BTG2: variants seen among roughly 807,000 people sequenced by gnomAD.
The protein encoded by BTG2 is protein BTG2.
A neutral mutation model predicts 13.1 loss-of-function variants in BTG2; 9 were observed. The observed-to-expected ratio is 0.69, with a 90% CI of 0.41 to 1.20. The LOEUF is 1.20. Among genes scored for constraint, BTG2 ranks in the 50% most tolerant of loss-of-function variants. The pLI is 0.00. For synonymous variants in BTG2, 92 were observed against 88.6 expected, an observed-to-expected ratio of 1.04 and a Z score of -0.21; for missense variants, 200 against 209.5, an observed-to-expected ratio of 0.95 and a Z score of 0.28.
chr1:203,309,380 A>G lies in BTG2; in HGVS notation c.*1942A>G, dbSNP rs1303374688. 5 of 152,542 alleles carry G rather than the reference A, an allele frequency of 3.3e-5. No homozygotes were observed. The highest frequency in any genetic ancestry group is 3.3e-4 in the Admixed American group (5 of 15,280). 9.4% of individuals were successfully genotyped at this position (152,542 alleles called of 1,614,324 possible). ...TAATCTTGTCTCTCTTCTCTTCTTT[A>G]TGATGTTCACTTTAAAAACAACAAA... On this transcript the variant is annotated 3_prime_UTR_variant, in exon 2 of 2. Transcript: ENST00000290551.
At position 203,307,870 on chromosome 1, in the gene BTG2, C is replaced by T. The variant is rs12063729; in HGVS notation, c.*432C>T. ...CCAAGTTCAGAGCTCTCTGTCTCCC[C>T]CAGCCAGACACCTGCATCCCTGGCT... On this transcript the variant is annotated 3_prime_UTR_variant, in exon 2 of 2. Coordinates refer to ENST00000290551, the MANE Select transcript of BTG2 (RefSeq NM_006763.3). 1 of 154,442 alleles carries T rather than the reference C, an allele frequency of 6.5e-6. No homozygotes were observed. Among genetic ancestry groups the T allele is most frequent in the Non-Finnish European group, 1.4e-5 (1 of 69,410 alleles). 9.6% of individuals were successfully genotyped at this position (154,442 alleles called of 1,614,324 possible).
intron 1 of BTG2, 128 bp downstream of exon 1, chr1:203,305,876 A>AC (rs1658247820): frequency 7.7e-7 from 1 of 1,290,428 alleles, no homozygotes; most frequent in Non-Finnish European, 1.0e-6. Context: ...CCCTCCTCCG[A>AC]CCCCCGGGGC....
chr1:203,306,418 C>T (rs1207977454), intron 1 of BTG2, among the ~76,000 whole-genome samples: 2 of 152,068 alleles, frequency 1.3e-5, no homozygotes, highest in Admixed American at 6.5e-5. Flanking sequence ...GACCTCTCTC[C>T]CAGCTGTTTC....
At chr1:203,306,033 C>T (rs572836640) in intron 1 of BTG2, among the ~76,000 whole-genome samples, 1 of 152,316 alleles carries the variant, frequency 6.6e-6, no homozygotes, top group Admixed American at 6.5e-5. Context: ...CCAGCTTATG[C>T]CCCTGTCTCA....
chr1:203,307,032 C>A, intron 1 of BTG2, 72 bp from the exon 2 acceptor site: 1 of 1,382,744 alleles, frequency 7.2e-7, no homozygotes, highest in Non-Finnish European at 1.0e-6. Flanking sequence ...TGACCCTCCA[C>A]CCCGCCCTAT....
chr1:203,306,826 T>C (rs1478111547), intron 1 of BTG2, among the ~76,000 whole-genome samples: 1 of 124,506 alleles, frequency 8.0e-6, no homozygotes, highest in East Asian at 2.1e-4. Context: ...ACACACTCTC[T>C]CTCTCACACA....
At position 203,305,656 on chromosome 1, in the gene BTG2, T is replaced by C. The variant is rs770829293; in HGVS notation, c.50T>C (p.Val17Ala). ...ATGCTCCCGGAGATCGCCGCCGCCG[T>C]GGGCTTCCTCTCCAGCCTCCTGAGG... ...TDMLPEIAAA[V>A]GFLSSLLRTR... Residue 17 changes from valine to alanine, a missense_variant, in exon 1 of 2, where the codon GTG (valine) becomes GCG (alanine). By Grantham distance (64) the Val-to-Ala change is moderately conservative. Transcript: ENST00000290551. 6.3e-6 allele frequency: 10 copies of C among 1,581,896 alleles called. No homozygotes were observed. In the South Asian group the frequency reaches 1.2e-4, roughly 18 times the overall value.
In BTG2 at chr1:203,308,595, C is replaced by G. The variant is rs1658325749; in HGVS notation, c.*1157C>G. On this transcript the variant is annotated 3_prime_UTR_variant, in exon 2 of 2. Coordinates refer to ENST00000290551, the MANE Select transcript of BTG2 (RefSeq NM_006763.3). Reference sequence around the variant, plus strand: ...GGCTTAGGGAACCATCTCTCCTGCTCTCCTTGGGATGATGGCTGGCTAGTC... The same window carrying G: ...GGCTTAGGGAACCATCTCTCCTGCTGTCCTTGGGATGATGGCTGGCTAGTC... 1.3e-5 allele frequency: 2 copies of G among 152,656 alleles called. No individual in the cohort carries two copies. The highest frequency in any genetic ancestry group is 4.8e-5 in the African/African-American group (2 of 41,448). 9.5% of individuals were successfully genotyped at this position (152,656 alleles called of 1,614,324 possible).
chr1:203,305,722 G>T lies in BTG2; in HGVS notation c.116G>T (p.Ser39Ile). 1 of 1,551,098 alleles carries T rather than the reference G, an allele frequency of 6.4e-7. No individual in the cohort carries two copies. The highest frequency in any genetic ancestry group is 8.7e-7 in the Non-Finnish European group (1 of 1,147,022). The change falls in exon 1 of 2, where the codon AGC becomes ATC. Residue 39 changes from serine to isoleucine, a missense_variant. Ser to Ile is a moderately radical substitution (Grantham distance 142). Coordinates refer to ENST00000290551, the MANE Select transcript of BTG2 (RefSeq NM_006763.3). ...CVSEQRLKVF[S>I]GALQEALTEH... ...AGCGAGCAGAGGCTTAAGGTCTTCA[G>T]CGGGGCGCTCCAGGAGGCACTCACA...
rs1032258304 is a variant in BTG2 at position 203,307,768 on chromosome 1, A to C, written c.*330A>C. The stretch of plus-strand genomic sequence containing the variant: ...GGAGACGTTTGGCTAGCACCCCAGG[A>C]AGATGTGAGAGGGAGCAAGCAAGGT... On this transcript the variant is annotated 3_prime_UTR_variant, in exon 2 of 2. Coordinates refer to ENST00000290551, the MANE Select transcript of BTG2 (RefSeq NM_006763.3). The C allele has an allele frequency of 5.7e-6, 1 of 175,370 alleles. No individual in the cohort carries two copies. The highest frequency in any genetic ancestry group is 2.4e-5 in the African/African-American group (1 of 42,228). 10.9% of individuals were successfully genotyped at this position (175,370 alleles called of 1,614,324 possible).
intron 1 of BTG2, 142 bp downstream of exon 1, chr1:203,305,890 C>G (rs2102283924): frequency 8.3e-7 from 1 of 1,200,692 alleles, no homozygotes; most frequent in Admixed American, 3.0e-5. Flanking sequence ...CCGGGGCGGC[C>G]CGCAGTCCCC....
chr1:203,307,037 C>A, intron 1 of BTG2, 67 bp from the exon 2 acceptor site: 1 of 1,422,200 alleles, frequency 7.0e-7, no homozygotes, highest in Non-Finnish European at 9.8e-7. Context: ...CTCCACCCCG[C>A]CCTATGGTAG....
chr1:203,306,029 T>C (rs1658254119), intron 1 of BTG2, among the ~76,000 whole-genome samples: 2 of 152,190 alleles, frequency 1.3e-5, no homozygotes, highest in South Asian at 4.2e-4. Context: ...GTCCCCAGCT[T>C]ATGCCCCTGT....
Position 203,307,270 on chromosome 1 carries a change from G to T in BTG2, c.309G>T (p.Trp103Cys). ...HQLLPSELTL[W>C]VDPYEVSYRI... ...TGCTGCCCAGCGAGCTGACCCTGTGGGTGGACCCCTATGAGGTGTCCTACC... is the reference window on the plus strand; with the variant it reads ...TGCTGCCCAGCGAGCTGACCCTGTGTGTGGACCCCTATGAGGTGTCCTACC... The change falls in exon 2 of 2, where the codon TGG (tryptophan) becomes TGT (cysteine). Residue 103 changes from tryptophan (W) to cysteine (C), a missense_variant. Physicochemically the swap from Trp to Cys is radical, Grantham distance 215. Coordinates refer to ENST00000290551, the MANE Select transcript of BTG2 (RefSeq NM_006763.3). The T allele has an allele frequency of 1.2e-6, 2 of 1,614,218 alleles. No homozygotes were observed. Among genetic ancestry groups the T allele is most frequent in the Non-Finnish European group, 1.7e-6 (2 of 1,180,048 alleles).
chr1:203,306,683 G>A (rs796613632), intron 1 of BTG2, among the ~76,000 whole-genome samples: 5 of 152,134 alleles, frequency 3.3e-5, no homozygotes, highest in African/African-American at 1.2e-4. Context: ...GGTCTCCAGA[G>A]GCCCTGCCTG....
Position 203,307,447 on chromosome 1 carries a change from GC to G in BTG2, c.*14del. On this transcript the variant is annotated 3_prime_UTR_variant, in exon 2 of 2. Transcript: ENST00000290551. The stretch of plus-strand genomic sequence containing the variant: ...TGGCAGTCTCCAGCTAGGCCCTTCC[GC>G]CCCCGCCCTGGGCGCCGCCGTGCTC... 6.4e-7 allele frequency: 1 copy of G among 1,562,850 alleles called. No individual in the cohort carries two copies.
intron 1 of BTG2, 62 bp downstream of exon 1, chr1:203,305,810 C>G (rs1658245001): frequency 1.3e-6 from 2 of 1,507,102 alleles, no homozygotes; most frequent in South Asian, 2.5e-5. Flanking sequence ...CCAGGGCCGT[C>G]TTTCTTCTAC....
Position 203,307,823 on chromosome 1 carries a change from T to C in BTG2, c.*385T>C, listed in dbSNP as rs764489531. The C allele has an allele frequency of 9.5e-5, 15 of 158,032 alleles. No homozygotes were observed. Among genetic ancestry groups the C allele is most frequent in the South Asian group, 2.0e-4 (1 of 4,934 alleles). The allele number at this position is 158,032 out of a possible 1,614,324, so 9.8% of individuals were successfully genotyped here. On this transcript the variant is annotated 3_prime_UTR_variant, in exon 2 of 2. Coordinates refer to ENST00000290551, the MANE Select transcript of BTG2 (RefSeq NM_006763.3). ...AACTGTGAACAGAGAGGTCGGGATT[T>C]GCCCTGGGGGAGGAAGAGAGGCCAA...
At position 203,305,531 on chromosome 1, in the gene BTG2, G is replaced by C; in HGVS notation, c.-76G>C. 1 of 1,496,614 alleles carries C rather than the reference G, an allele frequency of 6.7e-7. No homozygotes were observed. Among genetic ancestry groups the C allele is most frequent in the Non-Finnish European group, 8.9e-7 (1 of 1,118,662 alleles). 92.7% of individuals were successfully genotyped at this position (1,496,614 alleles called of 1,614,324 possible). On this transcript the variant is annotated 5_prime_UTR_variant, in exon 1 of 2. Coordinates refer to ENST00000290551, the MANE Select transcript of BTG2 (RefSeq NM_006763.3). ...GGAAAGTCCGGGCAGAGCCCGAGCA[G>C]CGGCCAGGGTAACGCTGTCTTGTGG...
Sources: gnomAD v4.1 joint callset for allele counts (sites outside exome capture counted in the v4.1 genomes callset) on GRCh38, gnomAD v4.1.1 for gene constraint, MANE v1.5 for transcripts, NCBI Gene and HGNC (gene_info 2026-07-23, HGNC 2026-07-21) for gene names.